USP32: variants seen among roughly 807,000 people sequenced by gnomAD.
USP32 encodes the protein ubiquitin specific peptidase 32.
Under a neutral mutation model 204.8 loss-of-function variants are expected in USP32, and 59 were observed. The observed-to-expected ratio is 0.29, with a 90% confidence interval of 0.23 to 0.36. The LOEUF (loss-of-function observed/expected upper bound fraction) is 0.36. USP32 is among the 10% of genes least tolerant of loss of function. The pLI, the probability that USP32 is intolerant of heterozygous loss-of-function variation, is 1.00. For synonymous variants in USP32, 517 were observed against 678.4 expected (o/e 0.76, Z 3.70); for missense variants, 1,160 against 1,946.4 (o/e 0.60, Z 7.60).
At chr17:60,237,260 C>T (rs1255556344) in intron 11 of USP32, among the ~76,000 whole-genome samples, 1 of 151,590 alleles carries the variant, frequency 6.6e-6, no homozygotes, top group African/African-American at 2.4e-5. Context: ...CCTGCCTCAG[C>T]CTCACAAGTA....
Position 60,246,414 on chromosome 17 carries a change from T to TATA in USP32, c.1136+5966_1136+5967insTAT, listed in dbSNP as rs56861981. 9.5e-4 allele frequency among the ~76,000 whole-genome samples: 128 copies of TATA among 134,474 alleles called. 1 individual carries two copies. Among genetic ancestry groups the TATA allele is most frequent in the African/African-American group, 2.3e-3 (72 of 31,246 alleles). 88.2% of individuals were successfully genotyped at this position (134,474 alleles called of 152,430 possible). A position where few individuals can be genotyped will look rare whatever the true frequency, so the allele number is the denominator to read the frequency against. On this transcript the variant is annotated intron_variant, in intron 11 of 33. Transcript: ENST00000300896. ...ATGTGTGTGTGTATATATATATATA[T>TATA]TTTTTTTTTTTCTTTATCCATTCAT...
intron 1 of USP32, among the ~76,000 whole-genome samples, chr17:60,354,244 A>G (rs551362142): frequency 3.5e-4 from 53 of 152,324 alleles, no homozygotes; most frequent in Admixed American, 2.3e-3. Flanking sequence ...CTCTCCAAGT[A>G]TATTTTAAGT....
intron 4 of USP32, among the ~76,000 whole-genome samples, chr17:60,291,075 G>A (rs975090326): frequency 1.3e-5 from 2 of 152,112 alleles, no homozygotes; most frequent in African/African-American, 4.8e-5. Context: ...ATTTTATCAT[G>A]AGAAAACCAA....
intron 11 of USP32, among the ~76,000 whole-genome samples, chr17:60,237,763 T>C (rs2085770633): frequency 6.6e-6 from 1 of 152,224 alleles, no homozygotes; most frequent in African/African-American, 2.4e-5. Flanking sequence ...ATCAGTACTT[T>C]ATTCCTTTTT....
chr17:60,371,253 T>TAAAAAA (rs373242290), intron 1 of USP32, among the ~76,000 whole-genome samples: 3 of 66,268 alleles, frequency 4.5e-5, no homozygotes, highest in South Asian at 4.8e-4. Flanking sequence ...CTCTAAAAAT[T>TAAAAAA]AAAAAAAAAA....
chr17:60,349,220 A>T (rs1322130983), intron 1 of USP32, among the ~76,000 whole-genome samples: 2 of 151,032 alleles, frequency 1.3e-5, no homozygotes, highest in African/African-American at 4.8e-5. Flanking sequence ...ATAACAGTAT[A>T]GGTAATCTCC....
intron 2 of USP32, among the ~76,000 whole-genome samples, chr17:60,337,352 A>G (rs1057050751): frequency 1.3e-5 from 2 of 152,190 alleles, no homozygotes; most frequent in African/African-American, 4.8e-5. Flanking sequence ...GTTTCCTCTA[A>G]TCTAGAAAAA....
At chr17:60,191,364 T>C (rs1161200089) in intron 28 of USP32, among the ~76,000 whole-genome samples, 1 of 122,262 alleles carries the variant, frequency 8.2e-6, no homozygotes, top group African/African-American at 3.3e-5. Flanking sequence ...GTTGCACCAC[T>C]GCACTGCAGC....
intron 28 of USP32, among the ~76,000 whole-genome samples, chr17:60,192,383 T>C (rs2084407968): frequency 6.6e-6 from 1 of 152,214 alleles, no homozygotes; most frequent in Non-Finnish European, 1.5e-5. Flanking sequence ...GACTGTAGTT[T>C]ATAAAACCAG....
chr17:60,275,734 C>T lies in USP32; in HGVS notation c.572-4253G>A, dbSNP rs751741929. Among the ~76,000 whole-genome samples the T allele has an allele frequency of 5.9e-5, 9 of 151,768 alleles. No homozygotes were observed. In the South Asian group the frequency reaches 6.2e-4, roughly 11 times the overall value. On this transcript the variant is annotated intron_variant, in intron 5 of 33. Transcript: ENST00000300896. ...CATTTGATGTATTTTTTTTCCAAGA[C>T]GGAATCTCACTCTGTTGCCCAGACT...
intron 1 of USP32, among the ~76,000 whole-genome samples, chr17:60,364,926 A>G (rs1000496643): frequency 3.3e-5 from 5 of 152,214 alleles, no homozygotes; most frequent in Non-Finnish European, 5.9e-5. Flanking sequence ...AAAGAAAGCC[A>G]CAAATAACAA....
In USP32 at chr17:60,326,527, A is replaced by G. The variant is rs145764781; in HGVS notation, c.186+18954T>C. On this transcript the variant is annotated intron_variant, in intron 2 of 33. Transcript: ENST00000300896. Reference sequence around the variant, plus strand: ...TTGGCCAGGCTGGTCTTGAACTCCTAACCTTGGGTGATCCACCCACCTTGG... The same window carrying G: ...TTGGCCAGGCTGGTCTTGAACTCCTGACCTTGGGTGATCCACCCACCTTGG... Among the ~76,000 whole-genome samples the G allele has an allele frequency of 4.2e-3, 642 of 152,114 alleles. 16 individuals carry two copies. Among genetic ancestry groups the G allele is most frequent in the Admixed American group, 0.036 (551 of 15,276 alleles).
At chr17:60,262,415 C>T (rs2086476540) in intron 9 of USP32, among the ~76,000 whole-genome samples, 1 of 152,246 alleles carries the variant, frequency 6.6e-6, no homozygotes. Context: ...TGGTCTCGAA[C>T]TCCTGACCTC....
chr17:60,370,899 C>A (rs760479756), intron 1 of USP32, among the ~76,000 whole-genome samples: 3 of 151,626 alleles, frequency 2.0e-5, no homozygotes, highest in Non-Finnish European at 2.9e-5. Flanking sequence ...AGTTTGGGAC[C>A]AGCCTGAGCA....
chr17:60,398,349 T>C (rs2089913207), intron 1 of USP32, among the ~76,000 whole-genome samples: 1 of 151,996 alleles, frequency 6.6e-6, no homozygotes, highest in South Asian at 2.1e-4. Flanking sequence ...TACCCATGAC[T>C]GCGTCACTGC....
At chr17:60,328,209 C>G (rs956035330) in intron 2 of USP32, among the ~76,000 whole-genome samples, 2 of 152,212 alleles carry the variant, frequency 1.3e-5, no homozygotes, top group Admixed American at 6.5e-5. Flanking sequence ...TTCCTCCCCT[C>G]TGAGGCCCAT....
chr17:60,182,026 GA>G (rs1457208049), intron 31 of USP32, among the ~76,000 whole-genome samples: 4 of 152,100 alleles, frequency 2.6e-5, no homozygotes, highest in East Asian at 1.9e-4. Flanking sequence ...AGATTCAGTT[GA>G]AAAAAATCTA....
rs368798801 is a variant in USP32, at chr17:60,398,458, C to T, written c.106+23788G>A. Among the ~76,000 whole-genome samples, 16 of 151,920 alleles carry T rather than the reference C, an allele frequency of 1.1e-4. No individual in the cohort carries two copies. The South Asian group carries it at 2.9e-3, about 28-fold the overall frequency. ...CCTGTTTAGTCACTGGTGTTCTGGC[C>T]GGAGGGAAGCAAAGAGAATCAAATC... On this transcript the variant is annotated intron_variant, in intron 1 of 3. Transcript: ENST00000588898.
intron 3 of USP32, among the ~76,000 whole-genome samples, chr17:60,296,474 T>G (rs183675349): frequency 6.6e-6 from 1 of 152,308 alleles, no homozygotes; most frequent in East Asian, 1.9e-4. Context: ...TCAGTCATCC[T>G]AGAAGCAACA....
Sources: allele counts gnomAD v4.1 joint callset (sites outside exome capture counted in the v4.1 genomes callset), GRCh38; gene constraint gnomAD v4.1.1; transcripts MANE v1.5; gene names NCBI Gene and HGNC (gene_info 2026-07-23, HGNC 2026-07-21).